Variants in PHYHIPL observed in about 807,000 individuals in gnomAD.
PHYHIPL encodes the protein phytanoyl-CoA hydroxylase-interacting protein-like.
A neutral mutation model predicts 33.4 loss-of-function variants in PHYHIPL; 9 were observed. That is an observed-to-expected ratio of 0.27 (90% CI 0.16 to 0.47). The LOEUF is 0.47. Ranked by LOEUF, PHYHIPL falls within the 20% of genes least tolerant of loss-of-function variation. PHYHIPL has a pLI of 0.99. For synonymous variants in PHYHIPL, 153 were observed against 154.1 expected (o/e 0.99, Z 0.05); for missense variants, 365 against 460.7 (o/e 0.79, Z 1.90).
At chr10:59,192,931 T>C (rs1401687363) in intron 1 of PHYHIPL, among the ~76,000 whole-genome samples, 2 of 152,162 alleles carry the variant, frequency 1.3e-5, no homozygotes, top group East Asian at 3.9e-4. Flanking sequence ...TAGATGGAAA[T>C]TTTCAGAAGG....
chr10:59,215,984 TG>T (rs1278281464), intron 1 of PHYHIPL, among the ~76,000 whole-genome samples: 2 of 151,986 alleles, frequency 1.3e-5, no homozygotes, highest in Non-Finnish European at 2.9e-5. Flanking sequence ...AGGAAAAGAT[TG>T]GAAAGGAAAA....
In PHYHIPL at chr10:59,176,877, T is replaced by C; in HGVS notation, c.24T>C (p.His8=). ...AAATGGAGGTGCCGCGCCTGGATCA[T>C]GCCCTCAACAGCCCCACCAGCCCCT... MEVPRLD[H]ALNSPTSPCE... is the part of the protein sequence containing the mutation. The change falls in exon 1 of 5, where the codon CAT becomes CAC. Residue 8 remains histidine, a synonymous_variant. Coordinates refer to ENST00000373880, the MANE Select transcript of PHYHIPL (RefSeq NM_032439.4). The C allele has an allele frequency of 6.2e-7, 1 of 1,613,324 alleles. No individual in the cohort carries two copies. The highest frequency in any genetic ancestry group is 8.5e-7 in the Non-Finnish European group (1 of 1,179,702).
chr10:59,184,754 C>T (rs980342156), intron 1 of PHYHIPL, among the ~76,000 whole-genome samples: 8 of 151,748 alleles, frequency 5.3e-5, no homozygotes, highest in African/African-American at 1.9e-4. Context: ...CCCATTAACT[C>T]GTCATTTAGC....
chr10:59,230,962 A>G lies in PHYHIPL; in HGVS notation c.107-3342A>G, dbSNP rs567869380. 3.3e-5 allele frequency among the ~76,000 whole-genome samples: 5 copies of G among 152,290 alleles called. No homozygotes were observed. In the East Asian group the frequency reaches 7.7e-4, roughly 24 times the overall value. On this transcript the variant is annotated intron_variant, in intron 1 of 4. Transcript: ENST00000373880. ...TTTTATCATGCAGATGAAACCACCA[A>G]GTAACAGGCTTCAGAGAGAATAGAT...
intron 1 of PHYHIPL, among the ~76,000 whole-genome samples, chr10:59,205,577 A>G (rs1390308343): frequency 6.6e-6 from 1 of 152,212 alleles, no homozygotes; most frequent in African/African-American, 2.4e-5. Context: ...ATGATATAAC[A>G]TGCTAGTTAC....
chr10:59,209,445 G>T (rs1839383655), intron 1 of PHYHIPL, among the ~76,000 whole-genome samples: 1 of 152,156 alleles, frequency 6.6e-6, no homozygotes, highest in Non-Finnish European at 1.5e-5. Flanking sequence ...ACATGGAAGG[G>T]AGCAACCGGT....
chr10:59,187,984 T>C (rs933368264), intron 1 of PHYHIPL, among the ~76,000 whole-genome samples: 11 of 152,316 alleles, frequency 7.2e-5, no homozygotes, highest in East Asian at 5.8e-4. Context: ...GCTCTGATCT[T>C]AGTTATTTCT....
Position 59,236,602 on chromosome 10 carries a change from T to C in PHYHIPL, c.423T>C (p.Val141=). The C allele has an allele frequency of 1.2e-6, 2 of 1,610,692 alleles. No homozygotes were observed. Among genetic ancestry groups the C allele is most frequent in the African/African-American group, 2.7e-5 (2 of 74,752 alleles). The part of the protein sequence containing the change: ...TVAVQTASKQ[V]DGDYVVSEWS... ...CAGTGCAGACTGCCTCAAAACAAGTTGATGGTGATTATGTTGTGTCTGAAT... is the reference window on the plus strand; with the variant it reads ...CAGTGCAGACTGCCTCAAAACAAGTCGATGGTGATTATGTTGTGTCTGAAT... Residue 141 remains valine, a synonymous_variant, in exon 3 of 5, where the codon GTT becomes GTC. Coordinates refer to ENST00000373880, the MANE Select transcript of PHYHIPL (RefSeq NM_032439.4).
chr10:59,177,363 A>T, intron 1 of PHYHIPL: 1 of 1,069,386 alleles, frequency 9.4e-7, no homozygotes, highest in Non-Finnish European at 1.3e-6. Flanking sequence ...CCCCCAACAC[A>T]CACACACTAG....
At chr10:59,185,860 T>C (rs1164503439) in intron 1 of PHYHIPL, among the ~76,000 whole-genome samples, 1 of 152,236 alleles carries the variant, frequency 6.6e-6, no homozygotes. Context: ...AGATTCTGGA[T>C]ATTAGCCCTT....
At chr10:59,207,343 C>G (rs1475055014) in intron 1 of PHYHIPL, among the ~76,000 whole-genome samples, 1 of 152,162 alleles carries the variant, frequency 6.6e-6, no homozygotes, top group Non-Finnish European at 1.5e-5. Flanking sequence ...ACTCCCTCCC[C>G]TAGCCAAAGG....
At chr10:59,223,036 C>CT (rs1398509845) in intron 1 of PHYHIPL, among the ~76,000 whole-genome samples, 2 of 152,192 alleles carry the variant, frequency 1.3e-5, no homozygotes, top group Non-Finnish European at 2.9e-5. Flanking sequence ...GTCTGTCTGA[C>CT]TAGTAGGTGC....
rs554293018 is a variant in PHYHIPL, at chr10:59,209,495, C to T, written c.107-24809C>T. Among the ~76,000 whole-genome samples the T allele has an allele frequency of 2.0e-4, 31 of 152,210 alleles. No homozygotes were observed. The East Asian group carries it at 4.4e-3, about 22-fold the overall frequency. On this transcript the variant is annotated intron_variant, in intron 1 of 4. Transcript: ENST00000373880. Reference sequence around the variant, plus strand: ...AAACATGCCAAATTGTAAAGACCATCGATGCTATGAAGAAACTGCATCAAC... The same window carrying T: ...AAACATGCCAAATTGTAAAGACCATTGATGCTATGAAGAAACTGCATCAAC...
chr10:59,188,103 A>G (rs1000248449), intron 1 of PHYHIPL, among the ~76,000 whole-genome samples: 26 of 152,280 alleles, frequency 1.7e-4, no homozygotes, highest in African/African-American at 5.5e-4. Context: ...GTGGGCATTT[A>G]GTGCTATAAA....
At chr10:59,181,855 C>T (rs1838420396) in intron 1 of PHYHIPL, among the ~76,000 whole-genome samples, 1 of 152,154 alleles carries the variant, frequency 6.6e-6, no homozygotes, top group Non-Finnish European at 1.5e-5. Context: ...GGATATGTGA[C>T]CAGACTCCCT....
rs564611952 is a variant in PHYHIPL, at chr10:59,228,108, C to A, written c.107-6196C>A. On this transcript the variant is annotated intron_variant, in intron 1 of 4. Transcript: ENST00000373880. ...TCAACATTTGCACTTCTTGGGATTT[C>A]TTCAAAGATAAAAAAATAGATATGC... Among the ~76,000 whole-genome samples the A allele has an allele frequency of 9.9e-5, 15 of 151,936 alleles. No individual in the cohort carries two copies. The South Asian group carries it at 2.3e-3, about 23-fold the overall frequency.
intron 1 of PHYHIPL, among the ~76,000 whole-genome samples, chr10:59,223,956 A>T (rs891476622): frequency 1.3e-5 from 2 of 152,200 alleles, no homozygotes; most frequent in Admixed American, 6.5e-5. Flanking sequence ...CACTGCACCC[A>T]GCCCAATTGC....
At chr10:59,200,149 A>G (rs1361365794) in intron 1 of PHYHIPL, among the ~76,000 whole-genome samples, 1 of 152,146 alleles carries the variant, frequency 6.6e-6, no homozygotes, top group African/African-American at 2.4e-5. Context: ...TTCAAAGGGA[A>G]TGCTTCCAGT....
At chr10:59,177,417 TC>T in intron 1 of PHYHIPL, 1 of 1,450,234 alleles carries the variant, frequency 6.9e-7, no homozygotes, top group Non-Finnish European at 9.1e-7. Flanking sequence ...TTTTTAAACC[TC>T]CCATCCTCAG....
Sources: gnomAD v4.1 joint callset for allele counts (sites outside exome capture counted in the v4.1 genomes callset) on GRCh38, gnomAD v4.1.1 for gene constraint, MANE v1.5 for transcripts, NCBI Gene and HGNC (gene_info 2026-07-23, HGNC 2026-07-21) for gene names.